Variants in BRWD3 observed in about 807,000 individuals in gnomAD.
BRWD3 encodes the protein bromodomain and WD repeat-containing protein 3.
A neutral mutation model predicts 149.7 loss-of-function variants in BRWD3; 10 were observed. The ratio of observed to expected loss-of-function variants is 0.07; its 90% CI spans 0.04 to 0.11. The LOEUF is 0.11. BRWD3 is among the 10% of genes least tolerant of loss of function. BRWD3 has a pLI of 1.00. For missense variants in BRWD3, 940 were observed against 1,373.2 expected (o/e 0.68, Z 4.99); for synonymous variants, 504 against 456.7 (o/e 1.10, Z -1.32).
intron 20 of BRWD3, among the ~76,000 whole-genome samples, chrX:80,713,429 C>G (rs1386035834): frequency 8.9e-6 from 1 of 111,809 alleles, no homozygotes. Flanking sequence ...GCTGTGTCCA[C>G]TCAGAGTTAA....
intron 37 of BRWD3, among the ~76,000 whole-genome samples, chrX:80,683,786 C>T (rs939229120): frequency 9.0e-6 from 1 of 110,983 alleles, no homozygotes; most frequent in Non-Finnish European, 1.9e-5. Context: ...AAATTACTAC[C>T]TCTCCTCTCC....
At chrX:80,746,050 T>C (rs1278409359) in intron 6 of BRWD3, among the ~76,000 whole-genome samples, 1 of 110,914 alleles carries the variant, frequency 9.0e-6, no homozygotes, top group Non-Finnish European at 1.9e-5. Flanking sequence ...TAGGTAAATC[T>C]TTCTATAACA....
chrX:80,720,731 C>T (rs1248389717), intron 17 of BRWD3, among the ~76,000 whole-genome samples: 2 of 112,089 alleles, frequency 1.8e-5, no homozygotes, highest in Middle Eastern at 4.3e-3. Flanking sequence ...CATTCAACCA[C>T]TCACTCACTG....
intron 4 of BRWD3, among the ~76,000 whole-genome samples, chrX:80,808,010 C>T (rs2074365711): frequency 9.2e-6 from 1 of 108,679 alleles, no homozygotes; most frequent in South Asian, 4.1e-4. Flanking sequence ...TTTTCCTAAT[C>T]CCTGGTCCGT....
At chrX:80,710,771 A>AT in intron 20 of BRWD3, 1 of 449,771 alleles carries the variant, frequency 2.2e-6, no homozygotes, top group Non-Finnish European at 4.1e-6. Flanking sequence ...CATACTGATG[A>AT]TACTAATCAT....
intron 16 of BRWD3, 96 bp from the exon 17 acceptor site, chrX:80,722,883 G>T: frequency 1.3e-6 from 1 of 785,308 alleles, no homozygotes. Flanking sequence ...TTAAATCAGA[G>T]AATCTTTTGC....
At chrX:80,712,963 G>A (rs1224188602) in intron 20 of BRWD3, among the ~76,000 whole-genome samples, 1 of 109,920 alleles carries the variant, frequency 9.1e-6, no homozygotes, top group Non-Finnish European at 1.9e-5. Context: ...CACCCACCCC[G>A]TCTGGGAAGT....
intron 7 of BRWD3, 23 bp from the exon 8 acceptor site, chrX:80,744,276 G>C (rs1305608456): frequency 9.2e-7 from 1 of 1,088,095 alleles, no homozygotes; most frequent in Non-Finnish European, 1.2e-6. Flanking sequence ...AAGGACAATA[G>C]GTTTATAATG....
At chrX:80,798,548 C>T (rs1438581374) in intron 4 of BRWD3, among the ~76,000 whole-genome samples, 2 of 110,405 alleles carry the variant, frequency 1.8e-5, no homozygotes, top group Admixed American at 2.0e-4. Context: ...TAATGGCTGA[C>T]TCGGAACAGT....
intron 31 of BRWD3, 55 bp downstream of exon 31, chrX:80,690,998 A>T: frequency 2.6e-6 from 3 of 1,166,858 alleles, no homozygotes; most frequent in Non-Finnish European, 3.5e-6. Flanking sequence ...TCAAAAAGGA[A>T]AGCAAAAGCC....
rs2073398036 is a variant in BRWD3, at chrX:80,735,974, A to C, written c.914+14T>G. On this transcript the variant is annotated intron_variant, in intron 9 of 40. Transcript: ENST00000373275. Reference sequence around the variant, plus strand: ...ATTAACATGCTTAATTTTTCACAAAATTTCTAAACTTACCTAAACTTCATT... The same window carrying C: ...ATTAACATGCTTAATTTTTCACAAACTTTCTAAACTTACCTAAACTTCATT... 1 of 1,163,033 alleles carries C rather than the reference A, an allele frequency of 8.6e-7. No homozygotes were observed. Among genetic ancestry groups the C allele is most frequent in the African/African-American group, 1.8e-5 (1 of 56,504 alleles).
At position 80,691,063 on chromosome X, in the gene BRWD3, G is replaced by A. The variant is rs1386861640; in HGVS notation, c.3592C>T (p.Arg1198Cys). The part of the protein sequence containing the change: ...LNTIRRRLEN[R>C]FYRRISALMW... ...TAAAAAAAAACAGACCTGTAAAAGC[G>A]ATTTTCAAGTCTCCGCCTGATGGTA... is the stretch of plus-strand genomic sequence containing the variant. The change falls in exon 31 of 41, where the codon CGC becomes TGC. Residue 1198 changes from arginine (R) to cysteine (C), a missense_variant. Arg to Cys is a radical substitution (Grantham distance 180). Around this residue, in one of 6 missense-constraint regions of BRWD3, gnomAD observed 349 missense variants for 419.6 expected, o/e 0.83. Transcript: ENST00000373275. 5.0e-6 allele frequency: 6 copies of A among 1,208,532 alleles called. No individual in the cohort carries two copies. In the Admixed American group the frequency reaches 6.5e-5, roughly 13 times the overall value.
rs184006082 is a variant in BRWD3, at chrX:80,704,281, C to T, written c.2721+397G>A. Among the ~76,000 whole-genome samples the T allele has an allele frequency of 3.2e-3, 350 of 110,562 alleles. 1 individual carries two copies. Among genetic ancestry groups the T allele is most frequent in the Middle Eastern group, 9.3e-3 (2 of 215 alleles). On this transcript the variant is annotated intron_variant, in intron 23 of 40. Transcript: ENST00000373275. ...AAACATAGTGGAATGGAGGGAGAGT[C>T]CTATACAATTTATCATACTCTTCCA...
chrX:80,738,770 G>A (rs898438770), intron 8 of BRWD3, among the ~76,000 whole-genome samples: 2 of 111,906 alleles, frequency 1.8e-5, no homozygotes, highest in African/African-American at 6.5e-5. Flanking sequence ...CCACTCCAGA[G>A]ACAGGAAACA....
chrX:80,745,048 A>G (rs748486311), intron 7 of BRWD3, among the ~76,000 whole-genome samples: 13 of 111,833 alleles, frequency 1.2e-4, no homozygotes, highest in Non-Finnish European at 2.1e-4. Flanking sequence ...GGTGTACTAC[A>G]ATTTTGTACT....
chrX:80,685,032 CTTA>C (rs1410834894), intron 36 of BRWD3, among the ~76,000 whole-genome samples: 1 of 110,050 alleles, frequency 9.1e-6, no homozygotes, highest in Non-Finnish European at 1.9e-5. Flanking sequence ...CTAAATATAT[CTTA>C]TTTTCTTAAA....
At chrX:80,779,278 G>A (rs1230210197) in intron 6 of BRWD3, among the ~76,000 whole-genome samples, 1 of 111,406 alleles carries the variant, frequency 9.0e-6, no homozygotes, top group Non-Finnish European at 1.9e-5. Context: ...TTGTGCCACT[G>A]CACTCCAGCC....
At chrX:80,738,585 A>G (rs1389089463) in intron 8 of BRWD3, among the ~76,000 whole-genome samples, 1 of 109,813 alleles carries the variant, frequency 9.1e-6, no homozygotes. Context: ...AAAAAAATGA[A>G]ACAGAAGGGA....
At position 80,809,053 on chromosome X, in the gene BRWD3, G is replaced by A. The variant is rs2074381804; in HGVS notation, c.91-11C>T. ...CTCCTGCACTAGCACCTGAGCAAAA[G>A]GGAAACACAGATATGAGGAGCAGCT... is the stretch of plus-strand genomic sequence containing the variant. On this transcript the variant is annotated splice_polypyrimidine_tract_variant and intron_variant, in intron 2 of 40. Coordinates refer to ENST00000373275, the MANE Select transcript of BRWD3 (RefSeq NM_153252.5). 1 of 1,185,686 alleles carries A rather than the reference G, an allele frequency of 8.4e-7. No homozygotes were observed. Among genetic ancestry groups the A allele is most frequent in the South Asian group, 1.9e-5 (1 of 53,780 alleles).
Sources: gnomAD v4.1 joint callset for allele counts (sites outside exome capture counted in the v4.1 genomes callset) on GRCh38, gnomAD v4.1.1 for gene constraint, gnomAD v4.1.1 regional missense constraint, MANE v1.5 for transcripts, NCBI Gene and HGNC (gene_info 2026-07-23, HGNC 2026-07-21) for gene names.